Variants in SHROOM3 observed in about 807,000 individuals in gnomAD.
SHROOM3 encodes protein Shroom3.
A neutral mutation model predicts 138.6 loss-of-function variants in SHROOM3; 47 were observed. The observed-to-expected ratio is 0.34, with a 90% CI of 0.27 to 0.43. The LOEUF (loss-of-function observed/expected upper bound fraction) is 0.43, where lower values mean the gene tolerates loss of function less well. SHROOM3 is among the 20% of genes least tolerant of loss of function. The pLI is 1.00. For synonymous variants in SHROOM3, 1,062 were observed against 1,063.3 expected (o/e 1.00, Z 0.02); for missense variants, 2,491 against 2,596.5 (o/e 0.96, Z 0.88).
At chr4:76,679,027 G>A (rs553588488) in intron 2 of SHROOM3, among the ~76,000 whole-genome samples, 1 of 152,276 alleles carries the variant, frequency 6.6e-6, no homozygotes, top group African/African-American at 2.4e-5. Context: ...TGAAGAAATC[G>A]TTGGTGTATT....
At chr4:76,473,669 T>G (rs183626038) in intron 1 of SHROOM3, among the ~76,000 whole-genome samples, 56 of 152,164 alleles carry the variant, frequency 3.7e-4, no homozygotes, top group African/African-American at 1.3e-3. Context: ...TGAACAGATA[T>G]TTTTCCAAAA....
At chr4:76,640,287 G>A (rs1735628592) in intron 2 of SHROOM3, among the ~76,000 whole-genome samples, 1 of 152,186 alleles carries the variant, frequency 6.6e-6, no homozygotes, top group African/African-American at 2.4e-5. Flanking sequence ...TTCTCATTTT[G>A]TAACATGATT....
intron 2 of SHROOM3, chr4:76,628,846 AT>A (rs35972885): frequency 0.3 from 44,438 of 148,268 alleles, 6,853 homozygotes; most frequent in East Asian, 0.51. Flanking sequence ...GACAGGTTGA[AT>A]TTTTTTTTTT....
intron 2 of SHROOM3, among the ~76,000 whole-genome samples, chr4:76,597,235 T>C (rs12649603): frequency 0.59 from 89,371 of 152,052 alleles, 27,007 homozygotes; most frequent in East Asian, 0.85. Flanking sequence ...GCTGTATTCC[T>C]TTTGGCCTGA....
At chr4:76,750,632 C>G (rs1721590837) in intron 6 of SHROOM3, among the ~76,000 whole-genome samples, 1 of 152,014 alleles carries the variant, frequency 6.6e-6, no homozygotes, top group Admixed American at 6.6e-5. Context: ...ACCCATGTAA[C>G]AAACCTGTAC....
intron 9 of SHROOM3, among the ~76,000 whole-genome samples, chr4:76,770,402 T>C (rs1193082271): frequency 6.7e-6 from 1 of 149,712 alleles, no homozygotes; most frequent in Non-Finnish European, 1.5e-5. Flanking sequence ...ATTACAAGGT[T>C]GTGTGTAATC....
chr4:76,754,279 G>A (rs751765765), intron 6 of SHROOM3, 32 bp from the exon 7 acceptor site: 2 of 1,613,950 alleles, frequency 1.2e-6, no homozygotes, highest in African/African-American at 2.7e-5. Flanking sequence ...TTTCTTCAGA[G>A]CTGTAACCCT....
At chr4:76,482,951 A>G (rs1325980418) in intron 1 of SHROOM3, among the ~76,000 whole-genome samples, 1 of 152,242 alleles carries the variant, frequency 6.6e-6, no homozygotes, top group Non-Finnish European at 1.5e-5. Flanking sequence ...AGCCATATGC[A>G]GAAAACTGAA....
In SHROOM3 at chr4:76,741,073, G is replaced by C; in HGVS notation, c.2900G>C (p.Gly967Ala). ...WRPRPSSAHV[G>A]LRSPEASASA... is the part of the protein sequence containing the mutation. Reference sequence around the variant, plus strand: ...CCACGGCCTTCCTCGGCCCACGTGGGGCTGCGGAGCCCCGAGGCGTCGGCC... The same window carrying C: ...CCACGGCCTTCCTCGGCCCACGTGGCGCTGCGGAGCCCCGAGGCGTCGGCC... The change falls in exon 5 of 11, where the codon GGG (glycine) becomes GCG (alanine). Residue 967 changes from glycine to alanine, a missense_variant. Physicochemically the swap from Gly to Ala is moderately conservative, Grantham distance 60. This residue lies in a region of SHROOM3 where 1,733 missense variants were observed against 1,661.6 expected (regional missense o/e 1.04). Coordinates refer to ENST00000296043, the MANE Select transcript of SHROOM3 (RefSeq NM_020859.4). The surrounding 1 kb of genome is among the most constrained non-coding windows in gnomAD (Gnocchi z 6.2). 1 of 1,531,644 alleles carries C rather than the reference G, an allele frequency of 6.5e-7. No individual in the cohort carries two copies. The highest frequency in any genetic ancestry group is 8.8e-7 in the Non-Finnish European group (1 of 1,140,350). The allele number at this position is 1,531,644 out of a possible 1,614,324, so 94.9% of individuals were successfully genotyped here.
At chr4:76,467,648 A>G (rs1490960070) in intron 1 of SHROOM3, among the ~76,000 whole-genome samples, 3 of 152,186 alleles carry the variant, frequency 2.0e-5, no homozygotes, top group Non-Finnish European at 4.4e-5. Flanking sequence ...AGAGCCCCTT[A>G]CAAGTGAAGT....
chr4:76,563,160 CA>C (rs1313278231), intron 2 of SHROOM3, among the ~76,000 whole-genome samples: 1 of 152,168 alleles, frequency 6.6e-6, no homozygotes, highest in East Asian at 1.9e-4. Context: ...AATGTTTCAT[CA>C]TAGTAAAATA....
intron 1 of SHROOM3, among the ~76,000 whole-genome samples, chr4:76,460,136 T>A (rs1432807805): frequency 6.6e-6 from 1 of 152,238 alleles, no homozygotes; most frequent in Non-Finnish European, 1.5e-5. Context: ...ATTACTTTTT[T>A]AATATTGTTT....
intron 2 of SHROOM3, among the ~76,000 whole-genome samples, chr4:76,582,950 T>TA (rs1375789029): frequency 6.6e-6 from 1 of 152,220 alleles, no homozygotes; most frequent in Non-Finnish European, 1.5e-5. Context: ...AAGAATGGCC[T>TA]AACCCTCTGC....
chr4:76,746,286 G>A (rs919147261), intron 5 of SHROOM3, among the ~76,000 whole-genome samples: 1 of 152,186 alleles, frequency 6.6e-6, no homozygotes, highest in Non-Finnish European at 1.5e-5. Context: ...TTTCAGTCAT[G>A]CATCATATAA....
intron 1 of SHROOM3, among the ~76,000 whole-genome samples, chr4:76,456,182 T>C (rs947700093): frequency 6.6e-6 from 1 of 152,112 alleles, no homozygotes; most frequent in Admixed American, 6.6e-5. Flanking sequence ...AATTTTTGTA[T>C]TTTTAGTAGA....
rs755268458 is a variant in SHROOM3 at position 76,436,087 on chromosome 4, G to A, written c.35G>A (p.Ser12Asn). 2 of 1,614,028 alleles carry A rather than the reference G, an allele frequency of 1.2e-6. No homozygotes were observed. Among genetic ancestry groups the A allele is most frequent in the Non-Finnish European group, 1.7e-6 (2 of 1,179,936 alleles). ...ACCACTGAAGACTTCCACAAGCCTA[G>A]TGCCACATTAAACTCTAACACGGCC... Reference protein sequence around the residue: ...MRTTEDFHKPSATLNSNTATK... With the variant: ...MRTTEDFHKPNATLNSNTATK... The change falls in exon 1 of 11, where the codon AGT (serine) becomes AAT (asparagine). Residue 12 changes from serine to asparagine, a missense_variant. Physicochemically the swap from Ser to Asn is conservative, Grantham distance 46. This residue lies in a region of SHROOM3 where 284 missense variants were observed against 322.8 expected (regional missense o/e 0.88). Transcript: ENST00000296043.
intron 2 of SHROOM3, among the ~76,000 whole-genome samples, chr4:76,603,423 A>G (rs1370759250): frequency 1.3e-5 from 2 of 150,190 alleles, no homozygotes; most frequent in Non-Finnish European, 3.0e-5. Flanking sequence ...GTCTCAAAAC[A>G]AAAACAAACA....
At chr4:76,752,743 TGTGTAAACTA>T in intron 6 of SHROOM3, among the ~76,000 whole-genome samples, 1 of 152,208 alleles carries the variant, frequency 6.6e-6, no homozygotes, top group Non-Finnish European at 1.5e-5. Context: ...TAGTATAGTT[TGTGTAAACTA>T]AGGTCACACA....
intron 2 of SHROOM3, among the ~76,000 whole-genome samples, chr4:76,605,710 C>A (rs946070013): frequency 2.0e-5 from 3 of 151,580 alleles, no homozygotes; most frequent in African/African-American, 7.3e-5. Context: ...TGGCATAAAT[C>A]CCAGAGCAAA....
Sources: allele counts gnomAD v4.1 joint callset (sites outside exome capture counted in the v4.1 genomes callset), GRCh38; gene constraint gnomAD v4.1.1; regional missense constraint gnomAD v4.1.1; non-coding constraint Gnocchi (gnomAD v3.1); transcripts MANE v1.5; gene names NCBI Gene and HGNC (gene_info 2026-07-23, HGNC 2026-07-21).